Variants in P4HA3 observed in about 807,000 individuals in gnomAD.
P4HA3 encodes the protein prolyl 4-hydroxylase subunit alpha-3.
P4HA3 carries 60 observed loss-of-function variants against 66.7 expected under a neutral mutation model. The observed-to-expected ratio is 0.90, with a 90% CI of 0.73 to 1.12. P4HA3 has a LOEUF of 1.12. Ranked by LOEUF, P4HA3 falls within the 50% of genes most tolerant of loss-of-function variation. P4HA3 has a pLI of 0.00. For synonymous variants in P4HA3, 263 were observed against 274.6 expected, an observed-to-expected ratio of 0.96 and a Z score of 0.42; for missense variants, 683 against 685.8, an observed-to-expected ratio of 1.00 and a Z score of 0.05.
At chr11:74,310,004 T>C (rs527471001) in intron 1 of P4HA3, among the ~76,000 whole-genome samples, 3 of 152,338 alleles carry the variant, frequency 2.0e-5, no homozygotes, top group East Asian at 3.9e-4. Flanking sequence ...ACATACCTTC[T>C]TCTCATGTCA....
intron 4 of P4HA3, among the ~76,000 whole-genome samples, chr11:74,289,393 C>T (rs2134776606): frequency 6.6e-6 from 1 of 152,120 alleles, no homozygotes; most frequent in East Asian, 1.9e-4. Flanking sequence ...AATAAACCTT[C>T]TTAAAGTGCC....
intron 5 of P4HA3, chr11:74,287,285 C>A (rs1860831583): frequency 3.1e-6 from 4 of 1,289,400 alleles, no homozygotes; most frequent in South Asian, 1.2e-5. Context: ...TAACCACAAC[C>A]ATCACCCTGG....
intron 3 of P4HA3, among the ~76,000 whole-genome samples, chr11:74,299,701 T>G (rs1591131843): frequency 6.8e-6 from 1 of 148,062 alleles, no homozygotes; most frequent in Non-Finnish European, 1.5e-5. Flanking sequence ...AAATATCAGG[T>G]ACCAGAAACA....
chr11:74,275,107 A>T (rs1028376472), intron 9 of P4HA3, among the ~76,000 whole-genome samples: 3 of 152,096 alleles, frequency 2.0e-5, no homozygotes, highest in African/African-American at 7.2e-5. Flanking sequence ...ATTTGCAAAT[A>T]TTTTCTCCTA....
chr11:74,297,977 C>A (rs1861281060), intron 4 of P4HA3, among the ~76,000 whole-genome samples: 1 of 152,174 alleles, frequency 6.6e-6, no homozygotes. Flanking sequence ...GAGCACTGGA[C>A]TAACAGTCTA....
intron 15 of P4HA3, among the ~76,000 whole-genome samples, chr11:74,252,035 C>T (rs1275876370): frequency 2.6e-5 from 4 of 151,704 alleles, no homozygotes; most frequent in African/African-American, 9.7e-5. Flanking sequence ...TTCCAGGCTC[C>T]TAGAGAAGTT....
intron 1 of P4HA3, among the ~76,000 whole-genome samples, chr11:74,308,064 C>T (rs1325162256): frequency 1.3e-5 from 2 of 152,042 alleles, no homozygotes; most frequent in Non-Finnish European, 2.9e-5. Flanking sequence ...AATTTTTATT[C>T]ATTAACTTGG....
intron 1 of P4HA3, among the ~76,000 whole-genome samples, chr11:74,304,894 G>A (rs967817026): frequency 1.3e-5 from 2 of 152,102 alleles, no homozygotes; most frequent in East Asian, 3.8e-4. Context: ...GGGGTTGGGG[G>A]ATGGTTTCGG....
In P4HA3 at chr11:74,303,585, C is replaced by CTT. The variant is rs574985023; in HGVS notation, c.343+683_343+684dup. On this transcript the variant is annotated intron_variant, in intron 2 of 12. Transcript: ENST00000331597. The stretch of plus-strand genomic sequence containing the variant: ...ACTGTGCCCAGCCCAAAAGTCAACA[C>CTT]TTTTTTTTTTTTTGAGACAAAGTCT... Among the ~76,000 whole-genome samples the CTT allele has an allele frequency of 4.6e-4, 66 of 144,098 alleles. 1 individual carries two copies. In the Middle Eastern group the frequency reaches 0.012, roughly 25 times the overall value. 94.5% of individuals were successfully genotyped at this position (144,098 alleles called of 152,430 possible).
chr11:74,255,238 C>A (rs1365133781), intron 15 of P4HA3, among the ~76,000 whole-genome samples: 1 of 152,202 alleles, frequency 6.6e-6, no homozygotes, highest in Non-Finnish European at 1.5e-5. Context: ...ACCAGATACC[C>A]ACAGTGAATG....
intron 12 of P4HA3, 152 bp downstream of exon 12, chr11:74,267,993 G>T (rs1044938945): frequency 5.8e-6 from 4 of 687,470 alleles, no homozygotes; most frequent in Non-Finnish European, 9.9e-6. Flanking sequence ...TCTGTTGGGG[G>T]CACCTCATTC....
At chr11:74,293,347 CATGAG>C (rs1366597865) in intron 4 of P4HA3, among the ~76,000 whole-genome samples, 2 of 152,092 alleles carry the variant, frequency 1.3e-5, no homozygotes, top group Non-Finnish European at 2.9e-5. Context: ...TGTCTCTGCA[CATGAG>C]ATGAGTTTCC....
At chr11:74,261,820 A>G (rs989610634), downstream of P4HA3, among the ~76,000 whole-genome samples, 1 of 152,186 alleles carries the variant, frequency 6.6e-6, no homozygotes, top group Non-Finnish European at 1.5e-5. Context: ...TGCTCATTAA[A>G]ATACCATCAA....
chr11:74,307,035 T>C (rs1484860392), intron 1 of P4HA3, among the ~76,000 whole-genome samples: 2 of 152,158 alleles, frequency 1.3e-5, no homozygotes, highest in Non-Finnish European at 2.9e-5. Context: ...AAGCGGAGAC[T>C]TGGGCTTGAG....
chr11:74,299,360 C>T (rs967447841), intron 3 of P4HA3, among the ~76,000 whole-genome samples: 3 of 152,200 alleles, frequency 2.0e-5, no homozygotes, highest in Admixed American at 1.3e-4. Flanking sequence ...GTGTAACTTC[C>T]TGACAGGGAA....
Position 74,267,270 on chromosome 11 carries a change from C to T in P4HA3, c.1613G>A (p.Cys538Tyr). 1 of 1,614,226 alleles carries T rather than the reference C, an allele frequency of 6.2e-7. No homozygotes were observed. Among genetic ancestry groups the T allele is most frequent in the Non-Finnish European group, 8.5e-7 (1 of 1,180,042 alleles). ...HEYGQEFRRP[C>Y]SSSPED Reference sequence around the variant, plus strand: ...AGTTCAGTCTTCAGGGCTGGAGCTGCAGGGTCTGCGGAATTCCTGTCCATA... The same window carrying T: ...AGTTCAGTCTTCAGGGCTGGAGCTGTAGGGTCTGCGGAATTCCTGTCCATA... Residue 538 changes from cysteine to tyrosine, a missense_variant, in exon 13 of 13, where the codon TGC becomes TAC. Physicochemically the swap from Cys to Tyr is radical, Grantham distance 194. Transcript: ENST00000331597.
At chr11:74,293,229 T>C (rs1403474312) in intron 4 of P4HA3, among the ~76,000 whole-genome samples, 42 of 152,238 alleles carry the variant, frequency 2.8e-4, no homozygotes, top group Admixed American at 6.5e-4. Flanking sequence ...TTGATCTTTG[T>C]TGGTTTAAAG....
In P4HA3 at chr11:74,268,258, CA is replaced by C; in HGVS notation, c.1468-18del. On this transcript the variant is annotated intron_variant, in intron 11 of 12. Transcript: ENST00000331597. ...TGCTGCATTCTGAAACAAGAGGGCC[CA>C]GCCCCAGGGAGGGTCAGCCCAGAAC... 1 of 1,607,960 alleles carries C rather than the reference CA, an allele frequency of 6.2e-7. No individual in the cohort carries two copies. The highest frequency in any genetic ancestry group is 8.5e-7 in the Non-Finnish European group (1 of 1,175,808).
intron 1 of P4HA3, among the ~76,000 whole-genome samples, chr11:74,309,047 A>T (rs1861651361): frequency 6.6e-6 from 1 of 152,218 alleles, no homozygotes. Flanking sequence ...AACCTCAATT[A>T]GTTAGGGGCT....
Sources: gnomAD v4.1 joint callset for allele counts (sites outside exome capture counted in the v4.1 genomes callset) on GRCh38, gnomAD v4.1.1 for gene constraint, MANE v1.5 for transcripts, NCBI Gene and HGNC (gene_info 2026-07-23, HGNC 2026-07-21) for gene names.